PPP2R5B: variants seen among roughly 807,000 people sequenced by gnomAD.
PPP2R5B encodes serine/threonine-protein phosphatase 2A 56 kDa regulatory subunit beta isoform.
In PPP2R5B, 19 loss-of-function variants were observed where a neutral mutation model predicts 59.9. That is an observed-to-expected ratio of 0.32 (90% CI 0.22 to 0.47). The LOEUF (loss-of-function observed/expected upper bound fraction) is 0.47. Among genes scored for constraint, PPP2R5B ranks in the 20% least tolerant of loss-of-function variants. The probability of loss-of-function intolerance (pLI) is 1.00; values close to 1 mark genes in which losing one functional copy is unlikely to be tolerated. For missense variants in PPP2R5B, 441 were observed against 640.2 expected, an observed-to-expected ratio of 0.69 and a Z score of 3.36; for synonymous variants, 286 against 260.5, an observed-to-expected ratio of 1.10 and a Z score of -0.94.
intron 12 of PPP2R5B, 68 bp from the exon 13 acceptor site, chr11:64,933,077 G>A (rs1226099976): frequency 6.6e-7 from 1 of 1,508,256 alleles, no homozygotes; most frequent in Non-Finnish European, 9.2e-7. Context: ...TATGTGAAGG[G>A]CAGGGAAAGG....
At chr11:64,926,973 C>T (rs370177684) in intron 3 of PPP2R5B, 65 bp downstream of exon 3, 200 of 1,545,624 alleles carry the variant, frequency 1.3e-4, no homozygotes, top group Non-Finnish European at 1.7e-4. Context: ...GTTTCCTGTC[C>T]GCAGGACCCC....
chr11:64,922,637 G>A (rs1319552194), upstream of PPP2R5B, among the ~76,000 whole-genome samples: 4 of 152,114 alleles, frequency 2.6e-5, no homozygotes, highest in Non-Finnish European at 5.9e-5. Context: ...CACTTTGGGA[G>A]GCCGAGGTGG....
chr11:64,931,696 G>C lies in PPP2R5B; in HGVS notation c.997-53G>C. On this transcript the variant is annotated intron_variant, in intron 10 of 13. Coordinates refer to ENST00000164133, the MANE Select transcript of PPP2R5B (RefSeq NM_006244.4). The surrounding 1 kb of genome is among the most constrained non-coding windows in gnomAD (Gnocchi z 5.0). ...CAGTCAGGTGTGTGTATGTGTAGGG[G>C]GAGATGTGAGCTGCTGCCCCTCTGT... 1 of 1,614,012 alleles carries C rather than the reference G, an allele frequency of 6.2e-7. No individual in the cohort carries two copies. The highest frequency in any genetic ancestry group is 1.1e-5 in the South Asian group (1 of 91,080).
rs1945145643 is a variant in PPP2R5B at position 64,925,118 on chromosome 11, T to C, written c.-265+90T>C. The C allele has an allele frequency of 6.6e-6, 1 of 152,414 alleles. No homozygotes were observed. Among genetic ancestry groups the C allele is most frequent in the African/African-American group, 2.4e-5 (1 of 41,404 alleles). 9.4% of individuals were successfully genotyped at this position (152,414 alleles called of 1,614,324 possible). ...GCCAGGTTCTAGGAGCGGGGTGGCATCGGGACAGCACCTCCAGTCTTGGGG... is the reference window on the plus strand; with the variant it reads ...GCCAGGTTCTAGGAGCGGGGTGGCACCGGGACAGCACCTCCAGTCTTGGGG... On this transcript the variant is annotated intron_variant, in intron 1 of 13. Transcript: ENST00000164133. This position sits in a 1 kb window ranked among gnomAD's most constrained non-coding sequence, Gnocchi z 4.6.
At chr11:64,918,627 G>A (rs1346795186) in intron 1 of PPP2R5B, among the ~76,000 whole-genome samples, 5 of 151,756 alleles carry the variant, frequency 3.3e-5, no homozygotes, top group South Asian at 4.2e-4. Flanking sequence ...CACCGTGCCC[G>A]GCCTATGTTT....
chr11:64,917,996 C>T (rs1418664386), intron 1 of PPP2R5B, among the ~76,000 whole-genome samples: 1 of 152,132 alleles, frequency 6.6e-6, no homozygotes, highest in African/African-American at 2.4e-5. Flanking sequence ...AGCAGGGGGG[C>T]ATTGTTTTTG....
Position 64,925,863 on chromosome 11 carries a change from C to T in PPP2R5B, c.129C>T (p.Arg43=), listed in dbSNP as rs1256690962. Residue 43 remains arginine, a synonymous_variant, in exon 2 of 14, where the codon CGC becomes CGT. Coordinates refer to ENST00000164133, the MANE Select transcript of PPP2R5B (RefSeq NM_006244.4). This position sits in a 1 kb window ranked among gnomAD's most constrained non-coding sequence, Gnocchi z 4.6. ...CCCTCCGCAGAGCCCGGCCCCGCCG[C>T]TCCCACAGCTCCTCTCAGTTCCGCT... ...RRSLRRARPR[R]SHSSSQFRYQ... 5.6e-6 allele frequency: 9 copies of T among 1,611,924 alleles called. No individual in the cohort carries two copies. The highest frequency in any genetic ancestry group is 6.8e-6 in the Non-Finnish European group (8 of 1,179,870).
intron 2 of PPP2R5B, 68 bp downstream of exon 2, chr11:64,926,001 T>C: frequency 6.7e-7 from 1 of 1,491,048 alleles, no homozygotes; most frequent in Non-Finnish European, 9.1e-7. Context: ...TGGGGAGGGG[T>C]GGGAGGCAGC....
In PPP2R5B at chr11:64,925,885, C is replaced by T. The variant is rs2136679007; in HGVS notation, c.151C>T (p.Arg51Cys). ...PRRSHSSSQF[R>C]YQSNQQELTP... ...CCGCTCCCACAGCTCCTCTCAGTTC[C>T]GCTATCAGAGCAACCAGCAAGAGCT... Residue 51 changes from arginine to cysteine, a missense_variant, in exon 2 of 14, where the codon CGC (arginine) becomes TGC (cysteine). Arg to Cys is a radical substitution (Grantham distance 180, BLOSUM62 -3). Around this residue, in one of 3 missense-constraint regions of PPP2R5B, gnomAD observed 103 missense variants for 87.9 expected, o/e 1.17. Coordinates refer to ENST00000164133, the MANE Select transcript of PPP2R5B (RefSeq NM_006244.4). This position sits in a 1 kb window ranked among gnomAD's most constrained non-coding sequence, Gnocchi z 4.6. The T allele has an allele frequency of 1.9e-6, 3 of 1,612,146 alleles. No homozygotes were observed. The highest frequency in any genetic ancestry group is 2.5e-6 in the Non-Finnish European group (3 of 1,179,904).
Position 64,926,748 on chromosome 11 carries a change from G to A in PPP2R5B, c.236G>A (p.Arg79Gln), listed in dbSNP as rs142378216. 34 of 1,614,056 alleles carry A rather than the reference G, an allele frequency of 2.1e-5. No individual in the cohort carries two copies. The African/African-American group carries it at 3.1e-4, about 15-fold the overall frequency. ...PASELHELLS[R>Q]KLAQCGVMFD... ...TCCGAGCTGCACGAGCTGCTGAGCC[G>A]GAAGCTGGCCCAGTGTGGGGTGATG... Residue 79 changes from arginine (R) to glutamine (Q), a missense_variant, in exon 3 of 14, where the codon CGG (arginine) becomes CAG (glutamine). This residue lies in a region of PPP2R5B where 268 missense variants were observed against 488.1 expected (regional missense o/e 0.55). Coordinates refer to ENST00000164133, the MANE Select transcript of PPP2R5B (RefSeq NM_006244.4).
chr11:64,920,959 A>ATATG (rs1188848241), upstream of PPP2R5B, among the ~76,000 whole-genome samples: 3 of 144,014 alleles, frequency 2.1e-5, no homozygotes, highest in East Asian at 2.1e-4. Context: ...ATATATATAT[A>ATATG]TGTAATTTTT....
In PPP2R5B at chr11:64,934,092, G is replaced by A; in HGVS notation, c.*248G>A. The A allele has an allele frequency of 2.3e-6, 1 of 441,120 alleles. No homozygotes were observed. Among genetic ancestry groups the A allele is most frequent in the Non-Finnish European group, 3.9e-6 (1 of 254,002 alleles). The allele number at this position is 441,120 out of a possible 1,614,324, so 27.3% of individuals were successfully genotyped here. On this transcript the variant is annotated 3_prime_UTR_variant, in exon 14 of 14. Coordinates refer to ENST00000164133, the MANE Select transcript of PPP2R5B (RefSeq NM_006244.4). ...AAGCTTGACCAGGAAGCTGCCATCA[G>A]GGATCTTCCCCTGCCCCGCAAAGCT...
At position 64,918,177 on chromosome 11, in the gene PPP2R5B, C is replaced by T. The variant is rs572315500; in HGVS notation, c.-265+537C>T. 2.6e-5 allele frequency: 4 copies of T among 152,266 alleles called. No homozygotes were observed. In the East Asian group the frequency reaches 7.7e-4, roughly 29 times the overall value. 9.4% of individuals were successfully genotyped at this position (152,266 alleles called of 1,614,324 possible). On this transcript the variant is annotated intron_variant, in intron 1 of 4. Transcript: ENST00000526559. The stretch of plus-strand genomic sequence containing the variant: ...TCTTGCTCATTTGCTTAAGTTCTGC[C>T]CCGGGCTGCTTTCTTGCTACAAGAG...
In PPP2R5B at chr11:64,928,603, C is replaced by T. The variant is rs576018120; in HGVS notation, c.722+178C>T. ...ACCAACCTGGCCAACATGGTGAAAC[C>T]CCGTCTCTAATAAAAATACAAACAT... On this transcript the variant is annotated intron_variant, in intron 6 of 13. Coordinates refer to ENST00000164133, the MANE Select transcript of PPP2R5B (RefSeq NM_006244.4). Among the ~76,000 whole-genome samples the T allele has an allele frequency of 4.6e-5, 7 of 152,274 alleles. No homozygotes were observed. In the South Asian group the frequency reaches 8.3e-4, roughly 18 times the overall value.
intron 6 of PPP2R5B, 132 bp downstream of exon 6, chr11:64,928,557 A>G: frequency 1.4e-6 from 2 of 1,388,094 alleles, no homozygotes; most frequent in African/African-American, 1.4e-5. Context: ...TGGGTGGATC[A>G]CCTAAGGTGA....
intron 8 of PPP2R5B, 29 bp downstream of exon 8, chr11:64,930,618 C>T (rs1945219077): frequency 1.0e-5 from 16 of 1,585,212 alleles, no homozygotes; most frequent in Non-Finnish European, 1.4e-5. Flanking sequence ...CCTGCTGCAG[C>T]AGGAGCTCCA....
At chr11:64,928,708 C>A (rs1008442383) in intron 6 of PPP2R5B, among the ~76,000 whole-genome samples, 2 of 152,220 alleles carry the variant, frequency 1.3e-5, no homozygotes, top group African/African-American at 4.8e-5. Flanking sequence ...CCAGGTGAAA[C>A]CCCGTCTCTA....
Position 64,932,860 on chromosome 11 carries a change from C to A in PPP2R5B, c.1212C>A (p.Thr404=). 4.3e-6 allele frequency: 7 copies of A among 1,614,106 alleles called. No individual in the cohort carries two copies. Among genetic ancestry groups the A allele is most frequent in the Non-Finnish European group, 5.9e-6 (7 of 1,180,010 alleles). ...CTGTGCTGCCTGCTGTGTTTGGGAC[C>A]CTCTACCAAGTCTCCAAGGAGCACT... The part of the protein sequence containing the change: ...CHTVLPAVFG[T]LYQVSKEHWN... Residue 404 remains threonine (T), a synonymous_variant, in exon 12 of 14, where the codon ACC becomes ACA. Transcript: ENST00000164133.
At chr11:64,926,678 G>GGGGCCC in intron 2 of PPP2R5B, 34 bp from the exon 3 acceptor site, 1 of 1,607,766 alleles carries the variant, frequency 6.2e-7, no homozygotes, top group South Asian at 1.1e-5. Flanking sequence ...TGGGGGAGCT[G>GGGGCCC]GGGCCCAGGC....
Sources: allele counts gnomAD v4.1 joint callset (sites outside exome capture counted in the v4.1 genomes callset), GRCh38; gene constraint gnomAD v4.1.1; regional missense constraint gnomAD v4.1.1; non-coding constraint Gnocchi (gnomAD v3.1); transcripts MANE v1.5; gene names NCBI Gene and HGNC (gene_info 2026-07-23, HGNC 2026-07-21).